Variants in JAG2 observed in about 807,000 individuals in gnomAD.
JAG2 encodes the protein jagged canonical Notch ligand 2.
JAG2 carries 46 observed loss-of-function variants against 141.7 expected under a neutral mutation model. The observed-to-expected ratio is 0.32, with a 90% CI of 0.26 to 0.42. The LOEUF is 0.42. JAG2 is among the 10% of genes least tolerant of loss of function. The pLI, the probability that JAG2 is intolerant of heterozygous loss-of-function variation, is 1.00. For missense variants in JAG2, 1,500 were observed against 1,817.5 expected (o/e 0.83, Z 3.18); for synonymous variants, 862 against 763.5 (o/e 1.13, Z -2.13).
chr14:105,150,858 G>C lies in JAG2; in HGVS notation c.1428+7C>G. On this transcript the variant is annotated splice_region_variant and intron_variant, in intron 11 of 25. Transcript: ENST00000331782. ...CCACGCCACACACCCTCCTGGCCCC[G>C]CCTCACCTTGCAGGTGCCCCCATGC... The C allele has an allele frequency of 6.3e-7, 1 of 1,582,890 alleles. No individual in the cohort carries two copies. Among genetic ancestry groups the C allele is most frequent in the Non-Finnish European group, 8.6e-7 (1 of 1,165,280 alleles).
In JAG2 at chr14:105,147,483, CCCAG is replaced by C. The variant is rs1888260812; in HGVS notation, c.2393+13_2393+16del. ...AGTCCCACCCACCCCTGCTGTGGCC[CCCAG>C]GGTGCCACTCACCAAGGCAGAGGGT... is the stretch of plus-strand genomic sequence containing the variant. On this transcript the variant is annotated intron_variant, in intron 19 of 25. Coordinates refer to ENST00000331782, the MANE Select transcript of JAG2 (RefSeq NM_002226.5). 6.2e-7 allele frequency: 1 copy of C among 1,610,936 alleles called. No individual in the cohort carries two copies.
intron 2 of JAG2, among the ~76,000 whole-genome samples, chr14:105,166,512 C>T (rs587686941): frequency 3.9e-5 from 6 of 152,378 alleles, no homozygotes; most frequent in Non-Finnish European, 5.9e-5. Context: ...CTGGGGCCCC[C>T]CTGGTCAAGG....
intron 3 of JAG2, among the ~76,000 whole-genome samples, 193 bp downstream of exon 3, chr14:105,157,513 G>A (rs1428105576): frequency 6.6e-6 from 1 of 152,218 alleles, no homozygotes; most frequent in Non-Finnish European, 1.5e-5. Context: ...CAGGACTGGG[G>A]AAGAGAGTGC....
At chr14:105,144,671 C>G (rs1888168855) in intron 24 of JAG2, among the ~76,000 whole-genome samples, 1 of 152,224 alleles carries the variant, frequency 6.6e-6, no homozygotes, top group Non-Finnish European at 1.5e-5. Flanking sequence ...AAAAACAGAG[C>G]AGGGGACCGG....
At chr14:105,156,027 C>T (rs763470445) in intron 3 of JAG2, 38 bp from the exon 4 acceptor site, 1 of 1,593,538 alleles carries the variant, frequency 6.3e-7, no homozygotes, top group Non-Finnish European at 8.5e-7. Context: ...GCCAGAGAAA[C>T]CAGCCCGGCC....
Position 105,164,542 on chromosome 14 carries a change from A to G in JAG2, c.417+3215T>C, listed in dbSNP as rs373136538. ...GCCAGGGCCCTGTCATCCCCAGCCC[A>G]AGCTCAGAAAAAACAGGAAGCAGAG... On this transcript the variant is annotated intron_variant, in intron 2 of 25. Coordinates refer to ENST00000331782, the MANE Select transcript of JAG2 (RefSeq NM_002226.5). 1.5e-3 allele frequency among the ~76,000 whole-genome samples: 228 copies of G among 152,308 alleles called. 2 individuals carry two copies. Among genetic ancestry groups the G allele is most frequent in the African/African-American group, 5.0e-3 (209 of 41,574 alleles).
Position 105,157,664 on chromosome 14 carries a change from T to C in JAG2, c.475+42A>G, listed in dbSNP as rs1462814111. The stretch of plus-strand genomic sequence containing the variant: ...GAGCTGGGCCCTGCCACAGGCACGC[T>C]GAAGCTGAGAGGAGCTGCCACCTGG... On this transcript the variant is annotated intron_variant, in intron 3 of 25. Coordinates refer to ENST00000331782, the MANE Select transcript of JAG2 (RefSeq NM_002226.5). The C allele has an allele frequency of 5.2e-6, 8 of 1,531,782 alleles. No homozygotes were observed. The Admixed American group carries it at 1.6e-4, about 30-fold the overall frequency. 94.9% of individuals were successfully genotyped at this position (1,531,782 alleles called of 1,614,324 possible).
intron 2 of JAG2, among the ~76,000 whole-genome samples, chr14:105,163,066 T>G (rs1888804645): frequency 6.6e-6 from 1 of 152,034 alleles, no homozygotes; most frequent in South Asian, 2.1e-4. Flanking sequence ...CACAGCCTCC[T>G]AGACCTGCTG....
chr14:105,147,148 G>T (rs1259923492), intron 20 of JAG2, 178 bp downstream of exon 20: 1 of 656,894 alleles, frequency 1.5e-6, no homozygotes, highest in African/African-American at 1.8e-5. Flanking sequence ...ACTTGGCAGG[G>T]TATACAGCAG....
In JAG2 at chr14:105,142,998, A is replaced by AATGGGGTTGCGG. The variant is rs774242062; in HGVS notation, c.3402_3413dup (p.Arg1135_Ile1138dup). 1.2e-6 allele frequency: 2 copies of AATGGGGTTGCGG among 1,607,992 alleles called. No individual in the cohort carries two copies. The highest frequency in any genetic ancestry group is 8.5e-7 in the Non-Finnish European group (1 of 1,179,412). ...CGTCCTTGTGGCCCCCCGGCCGCTC[A>AATGGGGTTGCGG]ATGGGGTTGCGGATGGGGTTGAGCG... is the stretch of plus-strand genomic sequence containing the variant. On this transcript the variant is annotated inframe_insertion, in exon 26 of 26. Coordinates refer to ENST00000331782, the MANE Select transcript of JAG2 (RefSeq NM_002226.5).
Position 105,149,486 on chromosome 14 carries a change from C to T in JAG2, c.1603-166G>A, listed in dbSNP as rs587615094. ...CAAGACCCCTGCCCACCTGAGACTG[C>T]CCAGGCCTTAGCTGAACGCAGATAC... On this transcript the variant is annotated intron_variant, in intron 12 of 25. Coordinates refer to ENST00000331782, the MANE Select transcript of JAG2 (RefSeq NM_002226.5). Among the ~76,000 whole-genome samples, 3 of 152,102 alleles carry T rather than the reference C, an allele frequency of 2.0e-5. No individual in the cohort carries two copies. The East Asian group carries it at 5.9e-4, about 30-fold the overall frequency.
chr14:105,143,754 A>G, intron 24 of JAG2, 116 bp from the exon 25 acceptor site: 2 of 1,283,912 alleles, frequency 1.6e-6, no homozygotes, highest in South Asian at 2.6e-5. Flanking sequence ...GGGAGACGAG[A>G]GCCCGGGGTC....
Position 105,151,949 on chromosome 14 carries a change from T to A in JAG2, c.1028A>T (p.Asn343Ile). ...CTCPDGYSGR[N>I]CEKAEHACTS... ...AGCCCCCCACGTACCCTTCTCACAG[T>A]TCCTGCCCGAGTAGCCGTCAGGGCA... Residue 343 changes from asparagine (N) to isoleucine (I), a missense_variant, in exon 7 of 26, where the codon AAC becomes ATC. This residue lies in a region of JAG2 where 875 missense variants were observed against 1,202.2 expected (regional missense o/e 0.73). Coordinates refer to ENST00000331782, the MANE Select transcript of JAG2 (RefSeq NM_002226.5). 2 of 1,613,114 alleles carry A rather than the reference T, an allele frequency of 1.2e-6. No homozygotes were observed. The highest frequency in any genetic ancestry group is 1.7e-5 in the Admixed American group (1 of 60,024).
At position 105,148,580 on chromosome 14, in the gene JAG2, G is replaced by A. The variant is rs111427523; in HGVS notation, c.2021-141C>T. On this transcript the variant is annotated intron_variant, in intron 15 of 25. Transcript: ENST00000331782. ...GCGTCGGGCCGGGGGAGCTGGCCTCGGGCATGGGGGCAGCCTGGGACTCCA... is the reference window on the plus strand; with the variant it reads ...GCGTCGGGCCGGGGGAGCTGGCCTCAGGCATGGGGGCAGCCTGGGACTCCA... 5,918 of 860,614 alleles carry A rather than the reference G, an allele frequency of 6.9e-3. 236 individuals carry two copies. In the African/African-American group the frequency reaches 0.088, roughly 13 times the overall value. 53.3% of individuals were successfully genotyped at this position (860,614 alleles called of 1,614,324 possible).
At chr14:105,145,191 A>T in intron 23 of JAG2, 130 bp from the exon 24 acceptor site, 2 of 1,318,556 alleles carry the variant, frequency 1.5e-6, no homozygotes, top group Non-Finnish European at 1.1e-6. Flanking sequence ...CAAGGATGCC[A>T]AGGGCCTGGG....
intron 17 of JAG2, 44 bp from the exon 18 acceptor site, chr14:105,147,932 G>T: frequency 6.8e-7 from 1 of 1,461,864 alleles, no homozygotes; most frequent in Non-Finnish European, 9.4e-7. Context: ...CTGGCCCTGG[G>T]CTGGCCCTGG....
chr14:105,148,037 C>T (rs940883928), intron 17 of JAG2, 79 bp downstream of exon 17: 262 of 1,285,344 alleles, frequency 2.0e-4, no homozygotes, highest in Non-Finnish European at 2.8e-4. Context: ...AAAAAGACCC[C>T]TCGGCCCATC....
At position 105,155,851 on chromosome 14, in the gene JAG2, G is replaced by T; in HGVS notation, c.614C>A (p.Ala205Asp). 1 of 1,612,586 alleles carries T rather than the reference G, an allele frequency of 6.2e-7. No homozygotes were observed. Among genetic ancestry groups the T allele is most frequent in the Non-Finnish European group, 8.5e-7 (1 of 1,179,828 alleles). ...GGGCCGGCAGAACTTGTTGCAAGTG[G>T]CGCTGTAGTAGTTCTCGTCGCAGCG... The part of the protein sequence containing the change: ...RVRCDENYYS[A>D]TCNKFCRPRN... The change falls in exon 4 of 26, where the codon GCC becomes GAC. Residue 205 changes from alanine to aspartate, a missense_variant. Physicochemically the swap from Ala to Asp is moderately radical, Grantham distance 126 (BLOSUM62 -2). Coordinates refer to ENST00000331782, the MANE Select transcript of JAG2 (RefSeq NM_002226.5).
rs587685885 is a variant in JAG2, at chr14:105,159,650, C to T, written c.418-1887G>A. 3.2e-3 allele frequency among the ~76,000 whole-genome samples: 431 copies of T among 136,168 alleles called. 1 individual carries two copies. The highest frequency in any genetic ancestry group is 1.0e-2 in the African/African-American group (354 of 35,540). 89.3% of individuals were successfully genotyped at this position (136,168 alleles called of 152,430 possible). A position where few individuals can be genotyped will look rare whatever the true frequency, so the allele number is the denominator to read the frequency against. ...CCACATCCCCCAACGGGGTTCCATC[C>T]ACACCCCCCAACAGGCTCCATCACC... On this transcript the variant is annotated intron_variant, in intron 2 of 25. Coordinates refer to ENST00000331782, the MANE Select transcript of JAG2 (RefSeq NM_002226.5).
Sources: gnomAD v4.1 joint callset for allele counts (sites outside exome capture counted in the v4.1 genomes callset) on GRCh38, gnomAD v4.1.1 for gene constraint, gnomAD v4.1.1 regional missense constraint, MANE v1.5 for transcripts, NCBI Gene and HGNC (gene_info 2026-07-23, HGNC 2026-07-21) for gene names.